The following USP3 variants were observed in gnomAD, a reference collection of about 807,000 sequenced individuals.
USP3 encodes the protein ubiquitin carboxyl-terminal hydrolase 3.
In USP3, 20 loss-of-function variants were observed where a neutral mutation model predicts 72.3. The observed-to-expected ratio is 0.28, with a 90% CI of 0.19 to 0.40. USP3 has a LOEUF of 0.40. Among genes scored for constraint, USP3 ranks in the 10% least tolerant of loss-of-function variants. The pLI is 1.00. For missense variants in USP3, 479 were observed against 633.9 expected, an observed-to-expected ratio of 0.76 and a Z score of 2.62; for synonymous variants, 222 against 225.3, an observed-to-expected ratio of 0.99 and a Z score of 0.13.
Position 63,593,116 on chromosome 15 carries a change from A to G in USP3, c.*2290A>G, listed in dbSNP as rs766606799. On this transcript the variant is annotated 3_prime_UTR_variant, in exon 15 of 15. Transcript: ENST00000380324. The stretch of plus-strand genomic sequence containing the variant: ...CTCCAAAGAATAAAACTTTGCCATC[A>G]TGTTTAGGTCTTACAACTTTGAGTC... 3.3e-5 allele frequency: 5 copies of G among 152,356 alleles called. No individual in the cohort carries two copies. The highest frequency in any genetic ancestry group is 7.4e-5 in the Non-Finnish European group (5 of 68,024). 9.4% of individuals were successfully genotyped at this position (152,356 alleles called of 1,614,324 possible). A position where few individuals can be genotyped will look rare whatever the true frequency, so the allele number is the denominator to read the frequency against.
chr15:63,530,183 C>T (rs767984082), intron 1 of USP3, among the ~76,000 whole-genome samples: 3 of 151,992 alleles, frequency 2.0e-5, no homozygotes. Flanking sequence ...ACTATTGTAA[C>T]GTAATTATTT....
chr15:63,562,675 C>CA (rs1273265965), intron 7 of USP3, among the ~76,000 whole-genome samples: 1 of 152,244 alleles, frequency 6.6e-6, no homozygotes, highest in Non-Finnish European at 1.5e-5. Flanking sequence ...TGGGCACACT[C>CA]AGAGTTAACC....
chr15:63,542,955 A>G (rs149884957), intron 3 of USP3, among the ~76,000 whole-genome samples: 330 of 152,326 alleles, frequency 2.2e-3, no homozygotes, highest in African/African-American at 7.7e-3. Flanking sequence ...TGGAAAGCCC[A>G]GGGGGACTCT....
At chr15:63,589,594 T>C (rs1366534292) in intron 14 of USP3, among the ~76,000 whole-genome samples, 2 of 152,226 alleles carry the variant, frequency 1.3e-5, no homozygotes, top group African/African-American at 4.8e-5. Context: ...CTCACTACTT[T>C]ACAGGCACCT....
intron 8 of USP3, among the ~76,000 whole-genome samples, chr15:63,567,824 G>A (rs1476897078): frequency 6.6e-6 from 1 of 152,164 alleles, no homozygotes; most frequent in African/African-American, 2.4e-5. Flanking sequence ...TAAGATTTGG[G>A]GAAATTTGGT....
At position 63,588,518 on chromosome 15, in the gene USP3, T is replaced by C. The variant is rs1595780902; in HGVS notation, c.1215+95T>C. The C allele has an allele frequency of 2.9e-6, 3 of 1,049,904 alleles. No individual in the cohort carries two copies. The highest frequency in any genetic ancestry group is 2.8e-6 in the Non-Finnish European group (2 of 705,522). 65.0% of individuals were successfully genotyped at this position (1,049,904 alleles called of 1,614,324 possible). On this transcript the variant is annotated intron_variant, in intron 12 of 14. Transcript: ENST00000380324. This position sits in a 1 kb window ranked among gnomAD's most constrained non-coding sequence, Gnocchi z 4.6. ...TAACTTTACACTATGTGAACTGTTC[T>C]GTATTTTTCTCTAGGATTTTCAGTA...
rs1385919185 is a variant in USP3, at chr15:63,574,582, TG to T, written c.1096+180del. 2.0e-5 allele frequency among the ~76,000 whole-genome samples: 3 copies of T among 152,238 alleles called. No homozygotes were observed. Among genetic ancestry groups the T allele is most frequent in the Non-Finnish European group, 4.4e-5 (3 of 68,024 alleles). ...CAAAATGTTATTGAATAAGAATGTG[TG>T]CCATAAGATATTGTGTGAAGCATAA... On this transcript the variant is annotated intron_variant, in intron 11 of 14. Transcript: ENST00000380324. This position sits in a 1 kb window ranked among gnomAD's most constrained non-coding sequence, Gnocchi z 4.6.
intron 7 of USP3, among the ~76,000 whole-genome samples, chr15:63,560,811 T>G (rs1402459163): frequency 6.6e-6 from 1 of 152,156 alleles, no homozygotes; most frequent in African/African-American, 2.4e-5. Context: ...GTGAGCACAT[T>G]TTTCATAACT....
chr15:63,547,975 T>C lies in USP3; in HGVS notation c.285-5740T>C, dbSNP rs558724125. 6.0e-5 allele frequency among the ~76,000 whole-genome samples: 9 copies of C among 149,798 alleles called. No homozygotes were observed. In the South Asian group the frequency reaches 1.7e-3, roughly 29 times the overall value. The stretch of plus-strand genomic sequence containing the variant: ...GCAGAGTTAAACAATTAGCCAAGCA[T>C]GGTAGCGTGCCTGCAGTCCCAACTA... On this transcript the variant is annotated intron_variant, in intron 3 of 14. Transcript: ENST00000380324.
chr15:63,508,721 C>T (rs192970224), intron 1 of USP3, among the ~76,000 whole-genome samples: 1 of 152,218 alleles, frequency 6.6e-6, no homozygotes, highest in Non-Finnish European at 1.5e-5. Context: ...GCCCTGAATG[C>T]AAGTGTTTTG....
At chr15:63,515,286 A>G (rs1353609758) in intron 1 of USP3, among the ~76,000 whole-genome samples, 2 of 152,238 alleles carry the variant, frequency 1.3e-5, no homozygotes, top group African/African-American at 4.8e-5. Flanking sequence ...AACCATAACA[A>G]ATTTGTTTAG....
intron 1 of USP3, among the ~76,000 whole-genome samples, chr15:63,519,042 A>G (rs995880231): frequency 3.3e-5 from 5 of 152,120 alleles, no homozygotes; most frequent in Non-Finnish European, 5.9e-5. Flanking sequence ...TGGGATTACA[A>G]GCGTGAGCCA....
chr15:63,582,147 T>C (rs2066974876), intron 11 of USP3, among the ~76,000 whole-genome samples: 1 of 152,220 alleles, frequency 6.6e-6, no homozygotes, highest in Non-Finnish European at 1.5e-5. Context: ...TAAAAGTTGA[T>C]TTTTAGGGCC....
At chr15:63,573,450 A>C (rs924098496) in intron 9 of USP3, among the ~76,000 whole-genome samples, 47 of 152,244 alleles carry the variant, frequency 3.1e-4, no homozygotes, top group African/African-American at 1.1e-3. Flanking sequence ...TTGCAATATT[A>C]AGTGAGCTTT....
intron 7 of USP3, 144 bp from the exon 8 acceptor site, chr15:63,562,751 G>A: frequency 1.9e-6 from 1 of 539,274 alleles, no homozygotes; most frequent in Non-Finnish European, 3.3e-6. Flanking sequence ...ATGCTCTTAT[G>A]TATCTTTCAG....
In USP3 at chr15:63,529,175, G is replaced by T. The variant is rs770085749; in HGVS notation, c.92-3472G>T. 14 of 659,868 alleles carry T rather than the reference G, an allele frequency of 2.1e-5. No individual in the cohort carries two copies. Among genetic ancestry groups the T allele is most frequent in the South Asian group, 1.4e-4 (9 of 64,466 alleles). The allele number at this position is 659,868 out of a possible 1,614,324, so 40.9% of individuals were successfully genotyped here. A position where few individuals can be genotyped will look rare whatever the true frequency, so the allele number is the denominator to read the frequency against. On this transcript the variant is annotated intron_variant, in intron 1 of 14. Coordinates refer to ENST00000380324, the MANE Select transcript of USP3 (RefSeq NM_006537.4). The surrounding 1 kb of genome is among the most constrained non-coding windows in gnomAD (Gnocchi z 4.2). ...ACCACCACACTTGGCAGGTAGTAAA[G>T]TGGTTTTTTTTTTTTTCTTTTTTTT... is the stretch of plus-strand genomic sequence containing the variant.
Position 63,504,844 on chromosome 15 carries a change from C to T in USP3, c.91+14C>T. 6.3e-7 allele frequency: 1 copy of T among 1,585,064 alleles called. No homozygotes were observed. Among genetic ancestry groups the T allele is most frequent in the East Asian group, 2.4e-5 (1 of 42,034 alleles). On this transcript the variant is annotated intron_variant, in intron 1 of 14. Coordinates refer to ENST00000380324, the MANE Select transcript of USP3 (RefSeq NM_006537.4). ...GGTGCTGCAGCGGTGAGTGCGGCCA[C>T]GGGCCGGCCCCGCAGCGCACCCGAG...
intron 1 of USP3, 93 bp downstream of exon 1, chr15:63,504,923 A>C: frequency 2.9e-6 from 3 of 1,048,270 alleles, no homozygotes; most frequent in Non-Finnish European, 3.6e-6. Context: ...CGGCGCGCGG[A>C]CTCGGGGAGG....
intron 11 of USP3, among the ~76,000 whole-genome samples, chr15:63,584,092 GTTTTTTTTT>G (rs61574200): frequency 1.2e-5 from 1 of 85,598 alleles, no homozygotes; most frequent in African/African-American, 4.5e-5. Context: ...CAACGGTTTT[GTTTTTTTTT>G]TTTTTTTTTT....
Sources: allele counts gnomAD v4.1 joint callset (sites outside exome capture counted in the v4.1 genomes callset), GRCh38; gene constraint gnomAD v4.1.1; non-coding constraint Gnocchi (gnomAD v3.1); transcripts MANE v1.5; gene names NCBI Gene and HGNC (gene_info 2026-07-23, HGNC 2026-07-21).